Variants in STC1 observed in about 807,000 individuals in gnomAD.
STC1 encodes the protein stanniocalcin-1.
A neutral mutation model predicts 22.6 loss-of-function variants in STC1; 7 were observed. That is an observed-to-expected ratio of 0.31 (90% CI 0.18 to 0.58). The LOEUF is 0.58. STC1 is among the 20% of genes least tolerant of loss of function. The pLI, the probability that STC1 is intolerant of heterozygous loss-of-function variation, is 0.89. For missense variants in STC1, 224 were observed against 311.0 expected, an observed-to-expected ratio of 0.72 and a Z score of 2.10; for synonymous variants, 113 against 120.7, an observed-to-expected ratio of 0.94 and a Z score of 0.42.
intron 1 of STC1, 115 bp downstream of exon 1, chr8:23,854,291 C>G (rs1216911595): frequency 9.5e-7 from 1 of 1,049,394 alleles, no homozygotes; most frequent in Non-Finnish European, 1.4e-6. Flanking sequence ...TTATTGCCAT[C>G]AGGCATGAAG....
intron 3 of STC1, among the ~76,000 whole-genome samples, chr8:23,851,043 T>C (rs1305074216): frequency 6.6e-6 from 1 of 150,578 alleles, no homozygotes; most frequent in East Asian, 2.0e-4. Flanking sequence ...TGGCAAAAAA[T>C]GGTCAATGAA....
At chr8:23,853,094 A>G (rs183222338) in intron 1 of STC1, among the ~76,000 whole-genome samples, 18 of 152,028 alleles carry the variant, frequency 1.2e-4, no homozygotes, top group Admixed American at 8.5e-4. Context: ...AACCAGGCCA[A>G]GGCCTCCCTA....
At chr8:23,849,884 C>G (rs1001946332) in intron 3 of STC1, among the ~76,000 whole-genome samples, 4 of 152,046 alleles carry the variant, frequency 2.6e-5, no homozygotes, top group Non-Finnish European at 1.5e-5. Context: ...ATCAGATCTC[C>G]CCTCCCCACC....
intron 3 of STC1, among the ~76,000 whole-genome samples, chr8:23,847,682 C>A (rs565035425): frequency 6.6e-6 from 1 of 152,194 alleles, no homozygotes; most frequent in Non-Finnish European, 1.5e-5. Context: ...AATGACATAG[C>A]CCTTTCCTGT....
At chr8:23,851,635 A>G in intron 2 of STC1, 104 bp from the exon 3 acceptor site, 2 of 924,824 alleles carry the variant, frequency 2.2e-6, no homozygotes, top group South Asian at 3.1e-5. Context: ...GCAACGTATC[A>G]TGGCCATCTG....
intron 1 of STC1, 77 bp downstream of exon 1, chr8:23,854,329 C>G: frequency 7.7e-7 from 1 of 1,305,914 alleles, no homozygotes; most frequent in African/African-American, 1.4e-5. Context: ...TCAGCCGTCA[C>G]AGACACAGTT....
rs747716510 is a variant in STC1 at position 23,854,529 on chromosome 8, G to A, written c.-6C>T. 12 of 1,610,994 alleles carry A rather than the reference G, an allele frequency of 7.4e-6. No individual in the cohort carries two copies. Among genetic ancestry groups the A allele is most frequent in the Non-Finnish European group, 7.6e-6 (9 of 1,177,974 alleles). On this transcript the variant is annotated 5_prime_UTR_variant, in exon 1 of 4. Transcript: ENST00000290271. ...ACTGCTGAGTTTTGGAGCATTCTCT[G>A]AGAAGTTTCCGCTAAGTTGTTGGGT...
At chr8:23,852,147 G>T (rs1183197119) in intron 2 of STC1, 95 bp downstream of exon 2, 1 of 1,507,402 alleles carries the variant, frequency 6.6e-7, no homozygotes, top group Non-Finnish European at 9.2e-7. Flanking sequence ...TGAGAAGCAG[G>T]GCTGGTTCCC....
chr8:23,850,479 C>T (rs1046043792), intron 3 of STC1, among the ~76,000 whole-genome samples: 2 of 152,216 alleles, frequency 1.3e-5, no homozygotes, highest in African/African-American at 4.8e-5. Flanking sequence ...ACGCCAACCC[C>T]ATTGGCATCT....
At chr8:23,848,188 G>C (rs565958651) in intron 3 of STC1, among the ~76,000 whole-genome samples, 1 of 152,152 alleles carries the variant, frequency 6.6e-6, no homozygotes, top group South Asian at 2.1e-4. Flanking sequence ...AAATAGAGCA[G>C]CTCTGCTTAC....
At chr8:23,845,614 G>GC (rs1802563711) in intron 3 of STC1, among the ~76,000 whole-genome samples, 1 of 151,874 alleles carries the variant, frequency 6.6e-6, no homozygotes, top group African/African-American at 2.4e-5. Context: ...TCTGTCTAAG[G>GC]CCCCCTCTTC....
Position 23,852,223 on chromosome 8 carries a change from G to C in STC1, c.261+19C>G. 1 of 1,614,054 alleles carries C rather than the reference G, an allele frequency of 6.2e-7. No homozygotes were observed. Among genetic ancestry groups the C allele is most frequent in the South Asian group, 1.1e-5 (1 of 91,068 alleles). ...TAAAGACAAGCAGCCAGTGGGAGCA[G>C]GGGTCAAGGTTTTATTACCTGAGTG... On this transcript the variant is annotated intron_variant, in intron 2 of 3. Transcript: ENST00000290271.
intron 2 of STC1, 124 bp from the exon 3 acceptor site, chr8:23,851,655 G>C: frequency 1.4e-6 from 1 of 738,658 alleles, no homozygotes; most frequent in Non-Finnish European, 2.2e-6. Flanking sequence ...GCATATCCTT[G>C]CAATGAGAAG....
intron 1 of STC1, among the ~76,000 whole-genome samples, chr8:23,852,748 G>GCTAGT (rs1470742805): frequency 6.6e-6 from 1 of 152,146 alleles, no homozygotes; most frequent in Non-Finnish European, 1.5e-5. Flanking sequence ...TTGAAAGCAT[G>GCTAGT]GGAAGGAAGG....
At chr8:23,854,019 G>C (rs1480915164) in intron 1 of STC1, 1 of 1,032,254 alleles carries the variant, frequency 9.7e-7, no homozygotes, top group Non-Finnish European at 1.2e-6. Flanking sequence ...AAGGAAGAGG[G>C]ACAGCATCAA....
chr8:23,844,191 T>C lies in STC1; in HGVS notation c.*579A>G, dbSNP rs1162208494. 6.5e-6 allele frequency: 1 copy of C among 154,118 alleles called. No homozygotes were observed. Among genetic ancestry groups the C allele is most frequent in the South Asian group, 2.0e-4 (1 of 4,884 alleles). The allele number at this position is 154,118 out of a possible 1,614,324, so 9.5% of individuals were successfully genotyped here. ...TCAAAGTCTGGTTGGACAGCCAGGCTCAAGCAATTTGGTAAATGTGTCGGA... is the reference window on the plus strand; with the variant it reads ...TCAAAGTCTGGTTGGACAGCCAGGCCCAAGCAATTTGGTAAATGTGTCGGA... On this transcript the variant is annotated 3_prime_UTR_variant, in exon 4 of 4. Coordinates refer to ENST00000290271, the MANE Select transcript of STC1 (RefSeq NM_003155.3).
Position 23,854,753 on chromosome 8 carries a change from T to TGCTGCTGCTGCTGCCACCGCC in STC1, c.-231_-230insGGCGGTGGCAGCAGCAGCAGC. On this transcript the variant is annotated 5_prime_UTR_variant, in exon 1 of 4. Coordinates refer to ENST00000290271, the MANE Select transcript of STC1 (RefSeq NM_003155.3). ...CTGCTGCTGCTGCTGCCACCGCCGC[T>TGCTGCTGCTGCTGCCACCGCC]GCTGCTGCTGCTGCTGCAGTCGCTG... 1.9e-6 allele frequency: 1 copy of TGCTGCTGCTGCTGCCACCGCC among 519,804 alleles called. No individual in the cohort carries two copies. The highest frequency in any genetic ancestry group is 1.8e-5 in the South Asian group (1 of 54,258). The allele number at this position is 519,804 out of a possible 1,614,324, so 32.2% of individuals were successfully genotyped here. A position where few individuals can be genotyped will look rare whatever the true frequency, so the allele number is the denominator to read the frequency against.
Position 23,843,553 on chromosome 8 carries a change from C to G in STC1, c.*1217G>C, listed in dbSNP as rs560487939. On this transcript the variant is annotated 3_prime_UTR_variant, in exon 4 of 4. Transcript: ENST00000290271. Reference sequence around the variant, plus strand: ...TCATCATTTGCCAGAGTACCAGGCACCGATGAAAGGGGACGAGTAAAGAAC... The same window carrying G: ...TCATCATTTGCCAGAGTACCAGGCAGCGATGAAAGGGGACGAGTAAAGAAC... 1 of 152,732 alleles carries G rather than the reference C, an allele frequency of 6.5e-6. No homozygotes were observed. The highest frequency in any genetic ancestry group is 6.5e-5 in the Admixed American group (1 of 15,296). The allele number at this position is 152,732 out of a possible 1,614,324, so 9.5% of individuals were successfully genotyped here.
intron 3 of STC1, among the ~76,000 whole-genome samples, chr8:23,848,149 A>C (rs972430041): frequency 1.4e-5 from 2 of 145,860 alleles, no homozygotes; most frequent in African/African-American, 5.2e-5. Context: ...TAGGGATTCA[A>C]TACACATTTT....
Sources: allele counts gnomAD v4.1 joint callset (sites outside exome capture counted in the v4.1 genomes callset), GRCh38; gene constraint gnomAD v4.1.1; transcripts MANE v1.5; gene names NCBI Gene and HGNC (gene_info 2026-07-23, HGNC 2026-07-21).